TBC1D5: variants seen among roughly 807,000 people sequenced by gnomAD.
The protein encoded by TBC1D5 is TBC1 domain family member 5.
TBC1D5 carries 75 observed loss-of-function variants against 100.3 expected under a neutral mutation model. The ratio of observed to expected loss-of-function variants is 0.75; its 90% CI spans 0.62 to 0.91. The LOEUF is 0.91. Among genes scored for constraint, TBC1D5 ranks in the 40% least tolerant of loss-of-function variants. The pLI is 0.00. For missense variants in TBC1D5, 910 were observed against 942.4 expected, an observed-to-expected ratio of 0.97 and a Z score of 0.45; for synonymous variants, 323 against 325.6, an observed-to-expected ratio of 0.99 and a Z score of 0.09.
intron 1 of TBC1D5, among the ~76,000 whole-genome samples, chr3:17,645,711 C>T (rs570137443): frequency 6.6e-6 from 1 of 151,794 alleles, no homozygotes; most frequent in Non-Finnish European, 1.5e-5. Context: ...TTCTTGAATT[C>T]TGACTAGACC....
intron 2 of TBC1D5, among the ~76,000 whole-genome samples, chr3:17,580,856 T>C (rs952325485): frequency 6.6e-6 from 1 of 152,218 alleles, no homozygotes; most frequent in African/African-American, 2.4e-5. Context: ...TAGCCACCTC[T>C]ACTAATTCCT....
At chr3:17,542,699 T>A (rs937918092) in intron 2 of TBC1D5, among the ~76,000 whole-genome samples, 1 of 152,230 alleles carries the variant, frequency 6.6e-6, no homozygotes, top group African/African-American at 2.4e-5. Flanking sequence ...GTGCTTTTTC[T>A]GCATCTATTG....
chr3:17,679,605 T>G (rs1198691492), intron 1 of TBC1D5, among the ~76,000 whole-genome samples: 1 of 151,496 alleles, frequency 6.6e-6, no homozygotes, highest in Non-Finnish European at 1.5e-5. Flanking sequence ...TGAAAATTTT[T>G]CAACTAAATA....
At chr3:17,455,470 GTATATATA>G (rs1170493309) in intron 3 of TBC1D5, among the ~76,000 whole-genome samples, 5 of 143,726 alleles carry the variant, frequency 3.5e-5, no homozygotes, top group African/African-American at 7.9e-5. Context: ...ATATATATGT[GTATATATA>G]TGTATATATA....
At chr3:17,425,217 C>T (rs1241048619) in intron 4 of TBC1D5, among the ~76,000 whole-genome samples, 3 of 152,172 alleles carry the variant, frequency 2.0e-5, no homozygotes, top group Admixed American at 2.0e-4. Flanking sequence ...CTCCTCATAT[C>T]AACTGTATTT....
intron 12 of TBC1D5, among the ~76,000 whole-genome samples, chr3:17,373,081 T>C (rs577212823): frequency 2.0e-5 from 3 of 152,324 alleles, no homozygotes; most frequent in African/African-American, 7.2e-5. Context: ...TTAAATTTCA[T>C]ATTCTTTTCA....
chr3:17,635,710 T>C (rs140003104), intron 1 of TBC1D5, among the ~76,000 whole-genome samples: 52 of 152,206 alleles, frequency 3.4e-4, no homozygotes, highest in Middle Eastern at 3.4e-3. Flanking sequence ...GACACTATCC[T>C]AATGAAAAGG....
At chr3:17,637,361 T>C (rs2064059671) in intron 1 of TBC1D5, among the ~76,000 whole-genome samples, 1 of 151,306 alleles carries the variant, frequency 6.6e-6, no homozygotes, top group Non-Finnish European at 1.5e-5. Flanking sequence ...ATTTAAAATA[T>C]AAAATAATAT....
At chr3:17,496,919 C>T (rs1470113935) in intron 3 of TBC1D5, among the ~76,000 whole-genome samples, 2 of 152,114 alleles carry the variant, frequency 1.3e-5, no homozygotes, top group Non-Finnish European at 2.9e-5. Flanking sequence ...TTCTACCTGG[C>T]CTCGGCCTAC....
rs547933823 is a variant in TBC1D5, at chr3:17,228,962, T to G, written c.1588+9201A>C. 8.1e-4 allele frequency among the ~76,000 whole-genome samples: 124 copies of G among 152,180 alleles called. 1 individual carries two copies. The highest frequency in any genetic ancestry group is 2.9e-3 in the African/African-American group (120 of 41,540). On this transcript the variant is annotated intron_variant, in intron 17 of 21. Coordinates refer to ENST00000253692, the Ensembl canonical transcript of TBC1D5. ...AAAAATGCTTATTAAGCTCCTACCA[T>G]GTCCCATGAATAATATTTTCATGGA...
At chr3:17,574,842 T>C (rs1243488960) in intron 2 of TBC1D5, among the ~76,000 whole-genome samples, 1 of 152,102 alleles carries the variant, frequency 6.6e-6, no homozygotes, top group Admixed American at 6.6e-5. Context: ...CAAAGACTAC[T>C]GGCAGGCCAA....
chr3:17,451,685 A>C (rs996502015), intron 3 of TBC1D5, among the ~76,000 whole-genome samples: 3 of 152,204 alleles, frequency 2.0e-5, no homozygotes, highest in Non-Finnish European at 4.4e-5. Flanking sequence ...TGACGGGTTA[A>C]TGGGTGCAGC....
intron 15 of TBC1D5, among the ~76,000 whole-genome samples, chr3:17,259,563 G>T (rs893512764): frequency 6.6e-6 from 1 of 152,072 alleles, no homozygotes; most frequent in South Asian, 2.1e-4. Flanking sequence ...TTAATAATTA[G>T]GTTTTTGAAC....
chr3:17,312,849 C>A (rs2084205155), intron 13 of TBC1D5, among the ~76,000 whole-genome samples: 1 of 152,016 alleles, frequency 6.6e-6, no homozygotes, highest in Non-Finnish European at 1.5e-5. Flanking sequence ...TATGTTTTTC[C>A]AGGGATTTAA....
intron 2 of TBC1D5, among the ~76,000 whole-genome samples, chr3:17,525,385 C>T (rs1007755418): frequency 2.6e-4 from 40 of 152,324 alleles, no homozygotes; most frequent in East Asian, 7.7e-4. Context: ...CCTGCCTCGG[C>T]CTCCCAAAGT....
intron 16 of TBC1D5, among the ~76,000 whole-genome samples, chr3:17,250,870 ACT>A (rs1004965240): frequency 2.8e-4 from 42 of 152,356 alleles, no homozygotes; most frequent in African/African-American, 9.6e-4. Context: ...TAAAATATAA[ACT>A]CAATGTTTGT....
At chr3:17,584,274 T>C (rs1336351961) in intron 2 of TBC1D5, among the ~76,000 whole-genome samples, 2 of 152,228 alleles carry the variant, frequency 1.3e-5, no homozygotes, top group Admixed American at 1.3e-4. Flanking sequence ...AGGTGGAAGG[T>C]TGCATAACAC....
intron 18 of TBC1D5, among the ~76,000 whole-genome samples, chr3:17,201,778 T>C (rs1467139873): frequency 3.3e-5 from 5 of 152,176 alleles, no homozygotes; most frequent in Admixed American, 2.0e-4. Flanking sequence ...TCTGCCATGA[T>C]TGAAGTTTCC....
At chr3:17,399,967 G>C (rs1471350678) in intron 8 of TBC1D5, among the ~76,000 whole-genome samples, 1 of 151,944 alleles carries the variant, frequency 6.6e-6, no homozygotes, top group African/African-American at 2.4e-5. Flanking sequence ...TATTCCTAAA[G>C]TAGCCATCCC....
Sources: gnomAD v4.1 joint callset for allele counts (sites outside exome capture counted in the v4.1 genomes callset) on GRCh38, gnomAD v4.1.1 for gene constraint, MANE v1.5 for transcripts, NCBI Gene and HGNC (gene_info 2026-07-23, HGNC 2026-07-21) for gene names.